LPP: variants seen among roughly 807,000 people sequenced by gnomAD.
LPP encodes lipoma-preferred partner.
In LPP, 38 loss-of-function variants were observed where a neutral mutation model predicts 60.4. That is an observed-to-expected ratio of 0.63 (90% CI 0.49 to 0.83). LPP has a LOEUF of 0.83. Ranked by LOEUF, LPP falls within the 40% of genes least tolerant of loss-of-function variation. The pLI is 0.00. For missense variants in LPP, 902 were observed against 783.6 expected, an observed-to-expected ratio of 1.15 and a Z score of -1.80; for synonymous variants, 328 against 290.8, an observed-to-expected ratio of 1.13 and a Z score of -1.30.
chr3:188,612,295 C>A (rs375446231), intron 7 of LPP, among the ~76,000 whole-genome samples: 1 of 152,058 alleles, frequency 6.6e-6, no homozygotes, highest in African/African-American at 2.4e-5. Context: ...AAATTCTGGG[C>A]GCGTTGTGAG....
intron 2 of LPP, among the ~76,000 whole-genome samples, chr3:188,303,702 A>G (rs1750654860): frequency 1.3e-5 from 2 of 152,194 alleles, no homozygotes; most frequent in Admixed American, 1.3e-4. Context: ...TGAGGAGATC[A>G]GATGTTTTAT....
At chr3:188,268,017 A>ATTT (rs5855185) in intron 2 of LPP, among the ~76,000 whole-genome samples, 23 of 102,334 alleles carry the variant, frequency 2.2e-4, no homozygotes, top group Non-Finnish European at 3.5e-4. Context: ...ATTTTTAAGG[A>ATTT]TTTTTTTTTT....
intron 6 of LPP, among the ~76,000 whole-genome samples, chr3:188,605,384 A>C (rs1190910379): frequency 6.6e-6 from 1 of 152,198 alleles, no homozygotes. Context: ...AATGATTCCC[A>C]GTGTTCTCCT....
At position 188,622,333 on chromosome 3, in the gene LPP, A is replaced by T. The variant is rs1052546819; in HGVS notation, c.1113+12489A>T. The stretch of plus-strand genomic sequence containing the variant: ...ACTCTGTATTCTCTTCGTGTTCATT[A>T]ATAGGCTCATTTTCCAGAACTAACA... On this transcript the variant is annotated intron_variant, in intron 7 of 11. Transcript: ENST00000617246. Among the ~76,000 whole-genome samples the T allele has an allele frequency of 2.6e-5, 4 of 152,136 alleles. No individual in the cohort carries two copies. In the East Asian group the frequency reaches 7.7e-4, roughly 29 times the overall value.
chr3:188,650,190 A>C (rs1851818847), intron 7 of LPP, among the ~76,000 whole-genome samples: 1 of 152,222 alleles, frequency 6.6e-6, no homozygotes, highest in Admixed American at 6.5e-5. Flanking sequence ...ACTAATACCT[A>C]TTTTAATTAT....
chr3:188,595,710 G>A (rs1290412714), intron 6 of LPP, among the ~76,000 whole-genome samples: 1 of 152,142 alleles, frequency 6.6e-6, no homozygotes, highest in Non-Finnish European at 1.5e-5. Flanking sequence ...GATTATTTGT[G>A]GGACCATTCA....
At chr3:188,201,009 A>G (rs993997981) in intron 1 of LPP, among the ~76,000 whole-genome samples, 4 of 152,210 alleles carry the variant, frequency 2.6e-5, no homozygotes, top group Non-Finnish European at 5.9e-5. Flanking sequence ...CAGTTTCTGA[A>G]CTGAGTTCTT....
chr3:188,765,859 C>A (rs1368946689), intron 9 of LPP, among the ~76,000 whole-genome samples: 6 of 96,096 alleles, frequency 6.2e-5, no homozygotes, highest in African/African-American at 2.0e-4. Flanking sequence ...TAATGTTCAA[C>A]TCTTTTTTTT....
chr3:188,593,926 G>A (rs1302449804), intron 6 of LPP, among the ~76,000 whole-genome samples: 1 of 152,128 alleles, frequency 6.6e-6, no homozygotes, highest in Non-Finnish European at 1.5e-5. Flanking sequence ...TATCATTTTC[G>A]AATAATGACT....
At chr3:188,552,169 C>G (rs1039269387) in intron 6 of LPP, among the ~76,000 whole-genome samples, 4 of 152,172 alleles carry the variant, frequency 2.6e-5, no homozygotes, top group Non-Finnish European at 4.4e-5. Flanking sequence ...ATTATTACAT[C>G]TTAACTTCTC....
intron 1 of LPP, among the ~76,000 whole-genome samples, chr3:188,155,774 G>A (rs990916427): frequency 6.6e-6 from 1 of 152,202 alleles, no homozygotes; most frequent in Non-Finnish European, 1.5e-5. Flanking sequence ...AGCACTTTGG[G>A]AGGCCAAGGC....
intron 2 of LPP, among the ~76,000 whole-genome samples, chr3:188,307,413 G>C (rs533595687): frequency 1.3e-5 from 2 of 152,094 alleles, no homozygotes; most frequent in East Asian, 3.8e-4. Context: ...CTGTTTTTTC[G>C]AAAGCCTCAA....
In LPP at chr3:188,218,871, A is replaced by T. The variant is rs141411457; in HGVS notation, c.-189-6534A>T. ...TTCCTTTTGGATTATTCCCTTATGT[A>T]TATTGCCCAAAGTGGGATTACTGGG... On this transcript the variant is annotated intron_variant, in intron 1 of 11. Transcript: ENST00000617246. Among the ~76,000 whole-genome samples the T allele has an allele frequency of 7.9e-3, 1,205 of 152,262 alleles. 7 individuals are homozygous for T. The highest frequency in any genetic ancestry group is 0.014 in the Middle Eastern group (4 of 294).
chr3:188,599,974 T>C (rs1307250747), intron 6 of LPP, among the ~76,000 whole-genome samples: 1 of 151,936 alleles, frequency 6.6e-6, no homozygotes, highest in Non-Finnish European at 1.5e-5. Context: ...AAGGTTACTT[T>C]TTTTCTTTAA....
intron 6 of LPP, among the ~76,000 whole-genome samples, chr3:188,525,808 A>G (rs542724043): frequency 6.6e-6 from 1 of 152,348 alleles, no homozygotes; most frequent in East Asian, 1.9e-4. Context: ...CAAGTTCACT[A>G]GAATGTGATG....
chr3:188,421,760 T>C (rs1787869665), intron 4 of LPP, among the ~76,000 whole-genome samples: 1 of 152,182 alleles, frequency 6.6e-6, no homozygotes, highest in African/African-American at 2.4e-5. Context: ...CTTGTATTCC[T>C]TAACAAAAGA....
chr3:188,704,976 C>T (rs1007224643), intron 7 of LPP, among the ~76,000 whole-genome samples: 1 of 152,130 alleles, frequency 6.6e-6, no homozygotes, highest in Non-Finnish European at 1.5e-5. Flanking sequence ...CCCACTCACA[C>T]CAAACTACGT....
At chr3:188,338,837 A>G (rs1224812410) in intron 2 of LPP, among the ~76,000 whole-genome samples, 3 of 152,210 alleles carry the variant, frequency 2.0e-5, no homozygotes, top group Admixed American at 1.3e-4. Flanking sequence ...TCATAATACT[A>G]AGATAATCAT....
chr3:188,348,882 G>C (rs1443647827), intron 3 of LPP, among the ~76,000 whole-genome samples: 3 of 152,084 alleles, frequency 2.0e-5, no homozygotes, highest in Non-Finnish European at 4.4e-5. Context: ...GAGATAGCGG[G>C]GTCCGGGGGG....
Sources: allele counts gnomAD v4.1 joint callset (sites outside exome capture counted in the v4.1 genomes callset), GRCh38; gene constraint gnomAD v4.1.1; transcripts MANE v1.5; gene names NCBI Gene and HGNC (gene_info 2026-07-23, HGNC 2026-07-21).